KNDC1: variants seen among roughly 807,000 people sequenced by gnomAD.
KNDC1 encodes kinase non-catalytic C-lobe domain containing 1, also known as kinase non-catalytic C-lobe domain-containing protein 1.
KNDC1 carries 106 observed loss-of-function variants against 172.8 expected under a neutral mutation model. The observed-to-expected ratio is 0.61, with a 90% CI of 0.52 to 0.72. The LOEUF is 0.72. Among genes scored for constraint, KNDC1 ranks in the 30% least tolerant of loss-of-function variants. The pLI is 0.00. For missense variants in KNDC1, 2,325 were observed against 2,394.5 expected, an observed-to-expected ratio of 0.97 and a Z score of 0.61; for synonymous variants, 1,083 against 1,062.2, an observed-to-expected ratio of 1.02 and a Z score of -0.38.
Position 133,163,907 on chromosome 10 carries a change from A to T in KNDC1, c.102+3338A>T, listed in dbSNP as rs78333286. On this transcript the variant is annotated intron_variant, in intron 1 of 29. Coordinates refer to ENST00000304613, the MANE Select transcript of KNDC1 (RefSeq NM_152643.8). This position sits in a 1 kb window ranked among gnomAD's most constrained non-coding sequence, Gnocchi z 4.4. ...TCCCAAATCCCTCCTCCCACCTGGG[A>T]TGGGGGTGGAGTTCGTGGCCACCTG... is the stretch of plus-strand genomic sequence containing the variant. 0.15 allele frequency among the ~76,000 whole-genome samples: 14,890 copies of T among 102,490 alleles called. 2,301 individuals carry two copies. The highest frequency in any genetic ancestry group is 0.17 in the Admixed American group (1,695 of 9,758). The allele number at this position is 102,490 out of a possible 152,430, so 67.2% of individuals were successfully genotyped here.
intron 3 of KNDC1, among the ~76,000 whole-genome samples, chr10:133,176,897 C>T (rs1258195976): frequency 6.6e-6 from 1 of 152,250 alleles, no homozygotes; most frequent in Non-Finnish European, 1.5e-5. Flanking sequence ...ACACTGTCCA[C>T]AGTCAAGCTG....
chr10:133,195,434 G>A (rs997833877), intron 9 of KNDC1, among the ~76,000 whole-genome samples: 4 of 152,184 alleles, frequency 2.6e-5, no homozygotes, highest in Admixed American at 6.5e-5. Flanking sequence ...TTTAAAACGC[G>A]GACAGAACCA....
intron 1 of KNDC1, among the ~76,000 whole-genome samples, chr10:133,162,884 AAC>A (rs1853022693): frequency 6.6e-6 from 1 of 152,230 alleles, no homozygotes; most frequent in Non-Finnish European, 1.5e-5. Context: ...CGTGTGTGAG[AAC>A]ACTCTCAGCT....
At chr10:133,178,223 T>TGC (rs1321818261) in intron 3 of KNDC1, among the ~76,000 whole-genome samples, 2 of 152,128 alleles carry the variant, frequency 1.3e-5, no homozygotes, top group Middle Eastern at 3.4e-3. Flanking sequence ...GTGGTGTGTG[T>TGC]GCATGCATGT....
At chr10:133,205,431 C>T (rs966004279) in intron 17 of KNDC1, among the ~76,000 whole-genome samples, 13 of 152,236 alleles carry the variant, frequency 8.5e-5, no homozygotes, top group Admixed American at 6.5e-4. Context: ...ATGAGGTCCC[C>T]GGCTCCATCT....
intron 21 of KNDC1, among the ~76,000 whole-genome samples, chr10:133,210,965 G>C (rs1170683672): frequency 6.6e-6 from 1 of 152,140 alleles, no homozygotes; most frequent in Non-Finnish European, 1.5e-5. Context: ...AGGGGACCTG[G>C]GGGAGTCGGG....
chr10:133,202,585 T>C (rs3008386), intron 17 of KNDC1: 258,447 of 455,832 alleles, frequency 0.57, 74,026 homozygotes, highest in South Asian at 0.64. Flanking sequence ...GAACCTCTCC[T>C]ACCACCGTCT....
At chr10:133,178,292 T>C (rs1853615922) in intron 3 of KNDC1, among the ~76,000 whole-genome samples, 1 of 152,206 alleles carries the variant, frequency 6.6e-6, no homozygotes, top group African/African-American at 2.4e-5. Flanking sequence ...CAGCACTGGA[T>C]TGATCCTCAG....
Position 133,184,238 on chromosome 10 carries a change from CGCACACACT to C in KNDC1, c.625+258_625+266del, listed in dbSNP as rs1247314359. 6.8e-4 allele frequency among the ~76,000 whole-genome samples: 83 copies of C among 122,558 alleles called. 1 individual carries two copies. The highest frequency in any genetic ancestry group is 2.0e-3 in the African/African-American group (74 of 36,950). The allele number at this position is 122,558 out of a possible 152,430, so 80.4% of individuals were successfully genotyped here. A position where few individuals can be genotyped will look rare whatever the true frequency, so the allele number is the denominator to read the frequency against. On this transcript the variant is annotated intron_variant, in intron 5 of 29. Coordinates refer to ENST00000304613, the MANE Select transcript of KNDC1 (RefSeq NM_152643.8). The stretch of plus-strand genomic sequence containing the variant: ...ACACACCCATGCACACACACCCATG[CGCACACACT>C]GCACACACACGTTACACACACCCAT...
At position 133,163,929 on chromosome 10, in the gene KNDC1, C is replaced by CA. The variant is rs1564869717; in HGVS notation, c.102+3360_102+3361insA. On this transcript the variant is annotated intron_variant, in intron 1 of 29. Transcript: ENST00000304613. The surrounding 1 kb of genome is among the most constrained non-coding windows in gnomAD (Gnocchi z 4.4). The stretch of plus-strand genomic sequence containing the variant: ...GGGATGGGGGTGGAGTTCGTGGCCA[C>CA]CTGCCTTCCCAAATCCCTCCTCCCA... 0.012 allele frequency among the ~76,000 whole-genome samples: 1,603 copies of CA among 131,132 alleles called. 159 individuals carry two copies. The highest frequency in any genetic ancestry group is 0.015 in the Admixed American group (198 of 12,892). The allele number at this position is 131,132 out of a possible 152,430, so 86.0% of individuals were successfully genotyped here. A position where few individuals can be genotyped will look rare whatever the true frequency, so the allele number is the denominator to read the frequency against.
chr10:133,200,983 G>A (rs1218115380), intron 16 of KNDC1, among the ~76,000 whole-genome samples: 6 of 152,324 alleles, frequency 3.9e-5, no homozygotes, highest in African/African-American at 7.2e-5. Flanking sequence ...CAGGCTGTCC[G>A]TAGTCGTGGC....
intron 29 of KNDC1, among the ~76,000 whole-genome samples, chr10:133,221,555 G>A (rs947172416): frequency 6.6e-6 from 1 of 152,132 alleles, no homozygotes; most frequent in South Asian, 2.1e-4. Context: ...GTCCACACAC[G>A]GTCAGGTGGA....
chr10:133,200,270 C>T (rs781435234), intron 15 of KNDC1, 105 bp from the exon 16 acceptor site: 173 of 808,068 alleles, frequency 2.1e-4, no homozygotes, highest in Non-Finnish European at 2.8e-4. Flanking sequence ...CCGCCTCCAG[C>T]GAGAGCTCCG....
chr10:133,197,851 C>T (rs1447852281), intron 12 of KNDC1, 83 bp downstream of exon 12: 4 of 1,103,386 alleles, frequency 3.6e-6, no homozygotes, highest in Non-Finnish European at 5.5e-6. Context: ...TGGACAGACA[C>T]AGCCGGGCAC....
At chr10:133,205,125 G>T (rs1242714483) in intron 17 of KNDC1, among the ~76,000 whole-genome samples, 2 of 151,048 alleles carry the variant, frequency 1.3e-5, no homozygotes, top group African/African-American at 4.9e-5. Flanking sequence ...CGTCTCTGGG[G>T]TCACTGCCCT....
chr10:133,200,386 A>G lies in KNDC1; in HGVS notation c.2915A>G (p.Glu972Gly). The change falls in exon 16 of 30, where the codon GAG becomes GGG. Residue 972 changes from glutamate to glycine, a missense_variant. By Grantham distance (98) the Glu-to-Gly change is moderately conservative (BLOSUM62 -2). Transcript: ENST00000304613. ...ATTCTCGTCGTCAGCACGGCCGAGG[A>G]GGCTGGGTCACAGCTCGAGGGCAGC... ...QASPSPSTAE[E>G]AGSQLEGSQS... 6.3e-7 allele frequency: 1 copy of G among 1,592,918 alleles called. No homozygotes were observed. Among genetic ancestry groups the G allele is most frequent in the Non-Finnish European group, 8.5e-7 (1 of 1,170,726 alleles).
intron 17 of KNDC1, among the ~76,000 whole-genome samples, chr10:133,203,897 C>T (rs560733356): frequency 1.3e-5 from 2 of 152,356 alleles, no homozygotes; most frequent in East Asian, 1.9e-4. Flanking sequence ...GAACGGAGGC[C>T]GTGGAGGTGC....
At position 133,174,441 on chromosome 10, in the gene KNDC1, C is replaced by T. The variant is rs77475155; in HGVS notation, c.360+6129C>T. On this transcript the variant is annotated intron_variant, in intron 3 of 29. Transcript: ENST00000304613. ...GGAACTTCCAACACAGAAGGAAGGG[C>T]GGTGAGTGGGAAGGTTGCTGATACC... 2.2e-3 allele frequency among the ~76,000 whole-genome samples: 333 copies of T among 151,172 alleles called. 11 individuals carry two copies. In the East Asian group the frequency reaches 0.022, roughly 10 times the overall value.
rs1490033477 is a variant in KNDC1 at position 133,163,675 on chromosome 10, C to T, written c.102+3106C>T. On this transcript the variant is annotated intron_variant, in intron 1 of 29. Transcript: ENST00000304613. This position sits in a 1 kb window ranked among gnomAD's most constrained non-coding sequence, Gnocchi z 4.4. Reference sequence around the variant, plus strand: ...CAAATGCGCCACACGATCTAGGCGTCCCTGTGTAACCCTGGCTCGAAGTCT... The same window carrying T: ...CAAATGCGCCACACGATCTAGGCGTTCCTGTGTAACCCTGGCTCGAAGTCT... 6.6e-6 allele frequency among the ~76,000 whole-genome samples: 1 copy of T among 152,158 alleles called. No homozygotes were observed. Among genetic ancestry groups the T allele is most frequent in the Non-Finnish European group, 1.5e-5 (1 of 68,020 alleles).
Sources: allele counts gnomAD v4.1 joint callset (sites outside exome capture counted in the v4.1 genomes callset), GRCh38; gene constraint gnomAD v4.1.1; non-coding constraint Gnocchi (gnomAD v3.1); transcripts MANE v1.5; gene names NCBI Gene and HGNC (gene_info 2026-07-23, HGNC 2026-07-21).